The following ADGRL3 variants were observed in gnomAD, a reference collection of about 807,000 sequenced individuals.
The protein encoded by ADGRL3 is adhesion G protein-coupled receptor L3.
In ADGRL3, 62 loss-of-function variants were observed where a neutral mutation model predicts 153.5. That is an observed-to-expected ratio of 0.40 (90% CI 0.33 to 0.50). ADGRL3 has a LOEUF of 0.50. Among genes scored for constraint, ADGRL3 ranks in the 20% least tolerant of loss-of-function variants. The probability of loss-of-function intolerance (pLI) is 0.47; values close to 1 mark genes in which losing one functional copy is unlikely to be tolerated. For synonymous variants in ADGRL3, 710 were observed against 672.5 expected, an observed-to-expected ratio of 1.06 and a Z score of -0.86; for missense variants, 1,641 against 1,859.4, an observed-to-expected ratio of 0.88 and a Z score of 2.16.
At chr4:61,698,727 A>G (rs970500933) in intron 6 of ADGRL3, among the ~76,000 whole-genome samples, 4 of 152,204 alleles carry the variant, frequency 2.6e-5, no homozygotes, top group African/African-American at 9.7e-5. Context: ...GTGAGTCTCC[A>G]TTCAGTCATG....
intron 5 of ADGRL3, among the ~76,000 whole-genome samples, chr4:61,655,493 A>G (rs2094418501): frequency 1.3e-5 from 2 of 152,164 alleles, no homozygotes; most frequent in Non-Finnish European, 2.9e-5. Flanking sequence ...ACTATAATAA[A>G]TTAAATTAAA....
At chr4:61,292,649 A>G (rs2094264698) in intron 1 of ADGRL3, among the ~76,000 whole-genome samples, 1 of 152,164 alleles carries the variant, frequency 6.6e-6, no homozygotes, top group African/African-American at 2.4e-5. Context: ...ATACCAGAGC[A>G]TCTGTCTGGG....
At chr4:61,952,337 G>A (rs1467395306) in intron 17 of ADGRL3, among the ~76,000 whole-genome samples, 1 of 152,040 alleles carries the variant, frequency 6.6e-6, no homozygotes, top group East Asian at 1.9e-4. Context: ...AAATTAGCCA[G>A]GTGTGGTGGC....
intron 8 of ADGRL3, among the ~76,000 whole-genome samples, chr4:61,746,641 G>A (rs934696256): frequency 6.6e-6 from 1 of 152,114 alleles, no homozygotes; most frequent in Non-Finnish European, 1.5e-5. Flanking sequence ...CAGAAATAAA[G>A]ATGTTCTTTG....
chr4:61,301,875 T>C (rs1416070900), intron 1 of ADGRL3, among the ~76,000 whole-genome samples: 1 of 152,154 alleles, frequency 6.6e-6, no homozygotes, highest in East Asian at 1.9e-4. Context: ...TTTAGTGCTA[T>C]TACCAGAGCT....
chr4:61,923,523 T>G (rs1486395551), intron 13 of ADGRL3, among the ~76,000 whole-genome samples: 1 of 151,846 alleles, frequency 6.6e-6, no homozygotes, highest in African/African-American at 2.4e-5. Context: ...AACTGGCTCC[T>G]CCTCGGATCC....
chr4:61,203,936 G>T lies in ADGRL3; in HGVS notation c.-240+2171G>T, dbSNP rs564631795. On this transcript the variant is annotated intron_variant, in intron 1 of 26. Coordinates refer to ENST00000683033, the MANE Select transcript of ADGRL3 (RefSeq NM_001387552.1). The stretch of plus-strand genomic sequence containing the variant: ...CAATCTTTTTTTTTTTGTAACCAAA[G>T]CAAGGGTAAAGACTGTACATAGATA... Among the ~76,000 whole-genome samples, 9 of 149,614 alleles carry T rather than the reference G, an allele frequency of 6.0e-5. No individual in the cohort carries two copies. In the South Asian group the frequency reaches 1.3e-3, roughly 21 times the overall value.
chr4:61,274,700 G>A (rs957722897), intron 1 of ADGRL3, among the ~76,000 whole-genome samples: 3 of 152,104 alleles, frequency 2.0e-5, no homozygotes, highest in Non-Finnish European at 4.4e-5. Context: ...GAGGCAGGAG[G>A]ATTGCTTGAG....
At chr4:61,744,980 G>A (rs888499922) in intron 8 of ADGRL3, among the ~76,000 whole-genome samples, 5 of 152,070 alleles carry the variant, frequency 3.3e-5, no homozygotes, top group African/African-American at 4.8e-5. Context: ...AAATTTAGGC[G>A]AGTGTATAAC....
At chr4:61,755,835 T>C (rs969535583) in intron 8 of ADGRL3, among the ~76,000 whole-genome samples, 4 of 152,224 alleles carry the variant, frequency 2.6e-5, no homozygotes, top group African/African-American at 7.2e-5. Flanking sequence ...GCTTTCTACA[T>C]ATGGCTAGCC....
chr4:61,425,752 ACAG>A (rs2097270603), intron 2 of ADGRL3, among the ~76,000 whole-genome samples: 2 of 152,174 alleles, frequency 1.3e-5, no homozygotes, highest in African/African-American at 4.8e-5. Context: ...TCCCCTATGA[ACAG>A]TCATTCACGG....
At chr4:61,489,983 C>T (rs2098240363) in intron 2 of ADGRL3, among the ~76,000 whole-genome samples, 1 of 151,954 alleles carries the variant, frequency 6.6e-6, no homozygotes, top group Admixed American at 6.6e-5. Flanking sequence ...TTGGTATAGC[C>T]TTCAAAATAT....
In ADGRL3 at chr4:62,076,737, A is replaced by G. The variant is rs1257745315; in HGVS notation, c.*5829A>G. The G allele has an allele frequency of 1.3e-5, 2 of 151,914 alleles. No homozygotes were observed. The highest frequency in any genetic ancestry group is 1.3e-4 in the Admixed American group (2 of 15,230). The allele number at this position is 151,914 out of a possible 1,614,324, so 9.4% of individuals were successfully genotyped here. On this transcript the variant is annotated 3_prime_UTR_variant, in exon 27 of 27. Transcript: ENST00000683033. ...TATACCTTGTCTCAAGGAAACATCA[A>G]TATTTTATAAATGTTTCTTAAATAT...
chr4:61,221,405 A>G (rs776367615), intron 1 of ADGRL3, among the ~76,000 whole-genome samples: 3 of 152,170 alleles, frequency 2.0e-5, no homozygotes, highest in Non-Finnish European at 4.4e-5. Flanking sequence ...TATGATGTCA[A>G]TATTTGTGTC....
chr4:61,906,972 A>G (rs2098698751), intron 11 of ADGRL3, among the ~76,000 whole-genome samples: 1 of 152,094 alleles, frequency 6.6e-6, no homozygotes, highest in Non-Finnish European at 1.5e-5. Context: ...CTTTCTCTTT[A>G]TGTTCCCATG....
At chr4:61,812,473 T>C (rs928656354) in intron 8 of ADGRL3, among the ~76,000 whole-genome samples, 5 of 152,230 alleles carry the variant, frequency 3.3e-5, no homozygotes, top group African/African-American at 1.2e-4. Context: ...AATCTATGTA[T>C]CATTAACTTT....
chr4:61,526,109 C>T (rs2098557051), intron 4 of ADGRL3, among the ~76,000 whole-genome samples: 1 of 152,208 alleles, frequency 6.6e-6, no homozygotes, highest in East Asian at 1.9e-4. Flanking sequence ...AATTGGTAAA[C>T]TGAAGTGAAG....
intron 1 of ADGRL3, among the ~76,000 whole-genome samples, chr4:61,376,555 A>G (rs2096605063): frequency 6.6e-6 from 1 of 152,134 alleles, no homozygotes; most frequent in African/African-American, 2.4e-5. Context: ...AAAGGAGAGC[A>G]GGAAACCCCC....
intron 8 of ADGRL3, among the ~76,000 whole-genome samples, chr4:61,799,006 T>C (rs1238354246): frequency 5.7e-5 from 4 of 70,160 alleles, no homozygotes; most frequent in African/African-American, 2.7e-4. Context: ...ACAGTATATA[T>C]ATATATATAT....
Sources: allele counts gnomAD v4.1 joint callset (sites outside exome capture counted in the v4.1 genomes callset), GRCh38; gene constraint gnomAD v4.1.1; transcripts MANE v1.5; gene names NCBI Gene and HGNC (gene_info 2026-07-23, HGNC 2026-07-21).